Variants in SLC12A2 observed in about 807,000 individuals in gnomAD.
SLC12A2 encodes solute carrier family 12 member 2.
A neutral mutation model predicts 136.3 loss-of-function variants in SLC12A2; 67 were observed. The observed-to-expected ratio is 0.49, with a 90% CI of 0.40 to 0.60. The LOEUF (loss-of-function observed/expected upper bound fraction) is 0.60. Ranked by LOEUF, SLC12A2 falls within the 20% of genes least tolerant of loss-of-function variation. The pLI, the probability that SLC12A2 is intolerant of heterozygous loss-of-function variation, is 0.00. For synonymous variants in SLC12A2, 619 were observed against 562.9 expected, an observed-to-expected ratio of 1.10 and a Z score of -1.41; for missense variants, 1,322 against 1,534.7, an observed-to-expected ratio of 0.86 and a Z score of 2.32.
At chr5:128,154,369 A>T (rs72794392) in intron 15 of SLC12A2, among the ~76,000 whole-genome samples, 32,285 of 151,684 alleles carry the variant, frequency 0.21, 3,578 homozygotes, top group East Asian at 0.32. Context: ...GTGAGCCATG[A>T]TTGTACCACT....
At chr5:128,143,298 G>A (rs1762429840) in intron 10 of SLC12A2, among the ~76,000 whole-genome samples, 1 of 152,106 alleles carries the variant, frequency 6.6e-6, no homozygotes, top group Non-Finnish European at 1.5e-5. Flanking sequence ...GCATTGATCA[G>A]TATCAATAGT....
rs576033871 is a variant in SLC12A2 at position 128,086,236 on chromosome 5, T to C, written c.756+1526T>C. Among the ~76,000 whole-genome samples the C allele has an allele frequency of 2.0e-5, 3 of 152,306 alleles. No individual in the cohort carries two copies. In the East Asian group the frequency reaches 5.8e-4, roughly 29 times the overall value. On this transcript the variant is annotated intron_variant, in intron 1 of 26. Transcript: ENST00000262461. Reference sequence around the variant, plus strand: ...GAGCTTATATGCTTCCTAGGGAAGTTTTTGCTACTTTAAATTAAATTATCT... The same window carrying C: ...GAGCTTATATGCTTCCTAGGGAAGTCTTTGCTACTTTAAATTAAATTATCT...
rs1255593743 is a variant in SLC12A2 at position 128,174,685 on chromosome 5, A to G, written c.2929+19A>G. The G allele has an allele frequency of 1.5e-5, 23 of 1,546,468 alleles. No individual in the cohort carries two copies. Among genetic ancestry groups the G allele is most frequent in the South Asian group, 2.4e-5 (2 of 81,644 alleles). ...CACAAAGGTAATTTTCATTCAAACAATAAGTCTTATTAATAGTAATGTTTT... is the reference window on the plus strand; with the variant it reads ...CACAAAGGTAATTTTCATTCAAACAGTAAGTCTTATTAATAGTAATGTTTT... On this transcript the variant is annotated intron_variant, in intron 20 of 26. Transcript: ENST00000262461.
At chr5:128,107,682 A>C (rs190427673) in intron 1 of SLC12A2, among the ~76,000 whole-genome samples, 56 of 152,190 alleles carry the variant, frequency 3.7e-4, no homozygotes, top group African/African-American at 1.3e-3. Context: ...TTCTTTATTC[A>C]GTCTATCATT....
intron 23 of SLC12A2, among the ~76,000 whole-genome samples, chr5:128,181,333 G>T (rs913123442): frequency 6.6e-6 from 1 of 152,080 alleles, no homozygotes; most frequent in Admixed American, 6.6e-5. Context: ...AAATTTTGTT[G>T]TAGACTTCTA....
At chr5:128,123,049 G>A (rs998903275) in intron 4 of SLC12A2, among the ~76,000 whole-genome samples, 22 of 152,000 alleles carry the variant, frequency 1.4e-4, no homozygotes, top group Non-Finnish European at 2.9e-4. Flanking sequence ...TTCAGCATGG[G>A]TTTTTTCTTT....
At chr5:128,131,044 T>A in intron 4 of SLC12A2, 23 bp from the exon 5 acceptor site, 1 of 1,592,636 alleles carries the variant, frequency 6.3e-7, no homozygotes, top group Non-Finnish European at 8.6e-7. Flanking sequence ...ACCTGTTTTT[T>A]TTGTTTGTTT....
At position 128,121,227 on chromosome 5, in the gene SLC12A2, A is replaced by T. The variant is rs1479724091; in HGVS notation, c.1048+6546A>T. On this transcript the variant is annotated intron_variant, in intron 4 of 26. Coordinates refer to ENST00000262461, the MANE Select transcript of SLC12A2 (RefSeq NM_001046.3). ...AAGTCTCATGTAATGGAAACATGCAAGGTTTCTGAAAAAGTCAAAATGTAG... is the reference window on the plus strand; with the variant it reads ...AAGTCTCATGTAATGGAAACATGCATGGTTTCTGAAAAAGTCAAAATGTAG... Among the ~76,000 whole-genome samples the T allele has an allele frequency of 3.3e-5, 5 of 152,342 alleles. No homozygotes were observed. In the East Asian group the frequency reaches 5.8e-4, roughly 18 times the overall value.
chr5:128,137,151 C>A (rs1341897932), intron 7 of SLC12A2, among the ~76,000 whole-genome samples: 2 of 152,074 alleles, frequency 1.3e-5, no homozygotes, highest in Non-Finnish European at 2.9e-5. Context: ...GTGTTTATGA[C>A]CCTACTTTGG....
intron 2 of SLC12A2, 72 bp downstream of exon 2, chr5:128,113,005 T>C (rs1182946146): frequency 1.5e-6 from 2 of 1,357,712 alleles, no homozygotes; most frequent in African/African-American, 2.9e-5. Context: ...AACGTTCTCA[T>C]CAGTTCTCAA....
intron 1 of SLC12A2, among the ~76,000 whole-genome samples, chr5:128,085,263 ATCT>A (rs1760056406): frequency 6.6e-6 from 1 of 151,952 alleles, no homozygotes; most frequent in Admixed American, 6.6e-5. Context: ...GATCATAGAG[ATCT>A]TGTCTTGGGA....
chr5:128,161,873 G>T, intron 17 of SLC12A2, 73 bp downstream of exon 17: 1 of 1,049,926 alleles, frequency 9.5e-7, no homozygotes, highest in Non-Finnish European at 1.3e-6. Context: ...TTTAATTCTA[G>T]ATTTCATTCT....
At chr5:128,152,684 C>T in intron 14 of SLC12A2, 22 bp from the exon 15 acceptor site, 1 of 1,442,194 alleles carries the variant, frequency 6.9e-7, no homozygotes, top group Non-Finnish European at 9.8e-7. Flanking sequence ...GTTAATGCTG[C>T]ATGAACATTA....
intron 19 of SLC12A2, 175 bp downstream of exon 19, chr5:128,171,921 G>A (rs1053371211): frequency 2.8e-5 from 13 of 471,248 alleles, no homozygotes; most frequent in Middle Eastern, 1.1e-3. Flanking sequence ...GTGTTTTCTC[G>A]TTGTACCAAC....
At chr5:128,128,805 T>TAA (rs74617853) in intron 4 of SLC12A2, among the ~76,000 whole-genome samples, 55 of 138,390 alleles carry the variant, frequency 4.0e-4, no homozygotes, top group African/African-American at 8.3e-4. Context: ...GGTAGATCTT[T>TAA]AAAAAAAAAA....
chr5:128,185,145 A>T (rs1483054607), intron 26 of SLC12A2, among the ~76,000 whole-genome samples: 2 of 152,168 alleles, frequency 1.3e-5, no homozygotes, highest in African/African-American at 4.8e-5. Flanking sequence ...CTTTGTAAAC[A>T]CTACAGCATA....
At position 128,174,653 on chromosome 5, in the gene SLC12A2, A is replaced by G; in HGVS notation, c.2916A>G (p.Pro972=). 6.3e-7 allele frequency: 1 copy of G among 1,593,728 alleles called. No individual in the cohort carries two copies. The highest frequency in any genetic ancestry group is 8.5e-7 in the Non-Finnish European group (1 of 1,171,810). ...CTTCCAAACCACTCAGTGAAAAACC[A>G]ATTACACACAAAGGTAATTTTCATT... ...LDTSKPLSEK[P]ITHKVEEEDG... The change falls in exon 20 of 27, where the codon CCA becomes CCG. Residue 972 remains proline, a synonymous_variant. Coordinates refer to ENST00000262461, the MANE Select transcript of SLC12A2 (RefSeq NM_001046.3).
At chr5:128,116,199 T>C (rs2126674930) in intron 4 of SLC12A2, among the ~76,000 whole-genome samples, 1 of 152,152 alleles carries the variant, frequency 6.6e-6, no homozygotes, top group East Asian at 1.9e-4. Context: ...CCTCAGACCT[T>C]AGAATCTAGG....
intron 1 of SLC12A2, among the ~76,000 whole-genome samples, chr5:128,107,255 CT>C (rs1247852502): frequency 6.6e-6 from 1 of 152,078 alleles, no homozygotes; most frequent in Non-Finnish European, 1.5e-5. Flanking sequence ...ACACAGTCCC[CT>C]AGTCATATTT....
Sources: allele counts gnomAD v4.1 joint callset (sites outside exome capture counted in the v4.1 genomes callset), GRCh38; gene constraint gnomAD v4.1.1; transcripts MANE v1.5; gene names NCBI Gene and HGNC (gene_info 2026-07-23, HGNC 2026-07-21).